GET4: variants seen among roughly 807,000 people sequenced by gnomAD.
The protein encoded by GET4 is Golgi to ER traffic protein 4 homolog.
In GET4, 20 loss-of-function variants were observed where a neutral mutation model predicts 40.0. The observed-to-expected ratio is 0.50, with a 90% CI of 0.35 to 0.73. GET4 has a LOEUF of 0.73. GET4 is among the 30% of genes least tolerant of loss of function. The probability of loss-of-function intolerance (pLI) is 0.01; values close to 1 mark genes in which losing one functional copy is unlikely to be tolerated. For missense variants in GET4, 557 were observed against 454.0 expected, an observed-to-expected ratio of 1.23 and a Z score of -2.06; for synonymous variants, 280 against 194.6, an observed-to-expected ratio of 1.44 and a Z score of -3.65.
chr7:878,660 C>T (rs778880302), intron 1 of GET4, among the ~76,000 whole-genome samples: 12 of 150,040 alleles, frequency 8.0e-5, no homozygotes, highest in African/African-American at 1.5e-4. Flanking sequence ...CTCACTGCAA[C>T]CTCCACCTCC....
intron 4 of GET4, among the ~76,000 whole-genome samples, chr7:888,989 C>A (rs1279873533): frequency 6.6e-6 from 1 of 152,266 alleles, no homozygotes; most frequent in Non-Finnish European, 1.5e-5. Context: ...GAGAGCCAGG[C>A]AGTGGGTGGC....
intron 1 of GET4, chr7:878,209 C>A (rs1844008025): frequency 2.1e-6 from 1 of 468,740 alleles, no homozygotes; most frequent in African/African-American, 2.0e-5. Flanking sequence ...GCACGCCCCT[C>A]GGGACTGTGA....
At chr7:889,059 G>A (rs961481516) in intron 4 of GET4, among the ~76,000 whole-genome samples, 4 of 152,256 alleles carry the variant, frequency 2.6e-5, no homozygotes, top group African/African-American at 9.6e-5. Flanking sequence ...CTCCTAAGAT[G>A]GGTACAAGCG....
rs574455427 is a variant in GET4, at chr7:896,187, A to C, written c.*765A>C. On this transcript the variant is annotated 3_prime_UTR_variant, in exon 9 of 9. Coordinates refer to ENST00000265857, the MANE Select transcript of GET4 (RefSeq NM_015949.3). ...GGGTGATGATTGATTCTTTCGACCT[A>C]ACATTTTGGGTTTTAACCAAATAAC... 6.6e-6 allele frequency: 1 copy of C among 152,332 alleles called. No individual in the cohort carries two copies. Among genetic ancestry groups the C allele is most frequent in the Non-Finnish European group, 1.5e-5 (1 of 68,028 alleles). 9.4% of individuals were successfully genotyped at this position (152,332 alleles called of 1,614,324 possible). A position where few individuals can be genotyped will look rare whatever the true frequency, so the allele number is the denominator to read the frequency against.
intron 8 of GET4, among the ~76,000 whole-genome samples, chr7:894,694 G>C (rs561868692): frequency 5.9e-5 from 9 of 152,346 alleles, no homozygotes; most frequent in East Asian, 1.9e-4. Context: ...CCGTCAGGGC[G>C]TGTCCTGAGA....
rs1843950425 is a variant in GET4 at position 876,726 on chromosome 7, G to A, written c.81G>A (p.Glu27=). The change falls in exon 1 of 9, where the codon GAG becomes GAA. Residue 27 remains glutamate, a synonymous_variant. Coordinates refer to ENST00000265857, the MANE Select transcript of GET4 (RefSeq NM_015949.3). ...GRNRGGVQRV[E]GKLRASVEKG... is the part of the protein sequence containing the mutation. Reference sequence around the variant, plus strand: ...ACCGCGGCGGCGTCCAGCGTGTGGAGGGCAAGCTGCGCGCCAGCGTCGAGA... The same window carrying A: ...ACCGCGGCGGCGTCCAGCGTGTGGAAGGCAAGCTGCGCGCCAGCGTCGAGA... The A allele has an allele frequency of 1.5e-6, 2 of 1,379,150 alleles. No homozygotes were observed. Among genetic ancestry groups the A allele is most frequent in the Non-Finnish European group, 1.9e-6 (2 of 1,050,968 alleles). 85.4% of individuals were successfully genotyped at this position (1,379,150 alleles called of 1,614,324 possible). A position where few individuals can be genotyped will look rare whatever the true frequency, so the allele number is the denominator to read the frequency against.
chr7:893,281 AGGTGAGTGTTGGGCGCG>A (rs1844377971), intron 6 of GET4, among the ~76,000 whole-genome samples: 1 of 106,836 alleles, frequency 9.4e-6, no homozygotes, highest in African/African-American at 3.8e-5. Flanking sequence ...TGGTGTGTGC[AGGTGAGTGTTGGGCGCG>A]GGCGCGGTGG....
intron 1 of GET4, chr7:883,647 A>C (rs1027373597): frequency 1.0e-6 from 1 of 985,446 alleles, no homozygotes; most frequent in Non-Finnish European, 1.2e-6. Flanking sequence ...TCCACATGGC[A>C]CGGCCAATAG....
intron 1 of GET4, among the ~76,000 whole-genome samples, chr7:877,076 C>T (rs1291057046): frequency 1.3e-5 from 2 of 151,930 alleles, no homozygotes; most frequent in South Asian, 2.1e-4. Context: ...CTACTCCCAG[C>T]CTCCACCTGT....
At chr7:893,022 G>A (rs76377899) in intron 6 of GET4, among the ~76,000 whole-genome samples, 1 of 149,326 alleles carries the variant, frequency 6.7e-6, no homozygotes, top group African/African-American at 2.5e-5. Flanking sequence ...GCAGGTGAGG[G>A]GTGTAGGCGT....
chr7:895,183 GGGGTTCCT>G, intron 8 of GET4, 143 bp from the exon 9 acceptor site: 1 of 471,792 alleles, frequency 2.1e-6, no homozygotes. Context: ...GTCCTGTCCC[GGGGTTCCT>G]GGGTCGTAGA....
chr7:879,282 G>A (rs1012617632), intron 1 of GET4, among the ~76,000 whole-genome samples: 1 of 152,242 alleles, frequency 6.6e-6, no homozygotes, highest in Non-Finnish European at 1.5e-5. Context: ...GCGAGTGGCC[G>A]GCACGCCGCG....
At chr7:895,229 T>A in intron 8 of GET4, 105 bp from the exon 9 acceptor site, 3 of 633,144 alleles carry the variant, frequency 4.7e-6, no homozygotes, top group Non-Finnish European at 8.7e-6. Context: ...TTTTGCTTGT[T>A]CCATGGGACA....
chr7:892,200 CAT>C (rs1844340374), intron 5 of GET4, 76 bp from the exon 6 acceptor site: 2 of 1,468,114 alleles, frequency 1.4e-6, no homozygotes, highest in African/African-American at 2.8e-5. Context: ...TTGGGAAGGA[CAT>C]GTCGGAGGCC....
chr7:892,830 G>A (rs1844359320), intron 6 of GET4, among the ~76,000 whole-genome samples: 1 of 151,360 alleles, frequency 6.6e-6, no homozygotes. Context: ...GTATGTGCAG[G>A]TGTTGCGTGT....
At chr7:877,954 C>A (rs1844000813) in intron 1 of GET4, 2 of 200,424 alleles carry the variant, frequency 1.0e-5, no homozygotes, top group Admixed American at 5.4e-5. Flanking sequence ...CGCATTCCCC[C>A]ACCTCCCTGC....
Position 893,831 on chromosome 7 carries a change from T to G in GET4, c.822+16T>G. The G allele has an allele frequency of 6.2e-7, 1 of 1,608,966 alleles. No individual in the cohort carries two copies. The highest frequency in any genetic ancestry group is 2.2e-5 in the East Asian group (1 of 44,854). On this transcript the variant is annotated intron_variant, in intron 7 of 8. Coordinates refer to ENST00000265857, the MANE Select transcript of GET4 (RefSeq NM_015949.3). ...GTACAACGAGGTGAGAGCTTGGGGC[T>G]GGGGAGGGAGGAGGGGACCCCACGG... is the stretch of plus-strand genomic sequence containing the variant.
In GET4 at chr7:884,180, G is replaced by A. The variant is rs371718730; in HGVS notation, c.156-1876G>A. The A allele has an allele frequency of 6.7e-5, 87 of 1,297,830 alleles. 1 individual carries two copies. In the African/African-American group the frequency reaches 1.1e-3, roughly 17 times the overall value. 80.4% of individuals were successfully genotyped at this position (1,297,830 alleles called of 1,614,324 possible). A position where few individuals can be genotyped will look rare whatever the true frequency, so the allele number is the denominator to read the frequency against. On this transcript the variant is annotated intron_variant, in intron 1 of 8. Transcript: ENST00000265857. The stretch of plus-strand genomic sequence containing the variant: ...TAGTATCGGCAAAGCAGAAGCTGGT[G>A]TGGTGCTTGCTCAGGGTCGGTGCAT...
Position 893,917 on chromosome 7 carries a change from C to G in GET4, c.841C>G (p.Gln281Glu), listed in dbSNP as rs146230708. 53 of 1,609,960 alleles carry G rather than the reference C, an allele frequency of 3.3e-5. No individual in the cohort carries two copies. The highest frequency in any genetic ancestry group is 3.6e-5 in the Non-Finnish European group (42 of 1,177,432). Residue 281 changes from glutamine (Q) to glutamate (E), a missense_variant, in exon 8 of 9, where the codon CAG (glutamine) becomes GAG (glutamate). Coordinates refer to ENST00000265857, the MANE Select transcript of GET4 (RefSeq NM_015949.3). Reference sequence around the variant, plus strand: ...CTTGCAGTACCTCGACCGCATAGGACAGCTGTTCTTCGGCGTCCCGCCCAA... The same window carrying G: ...CTTGCAGTACCTCGACCGCATAGGAGAGCTGTTCTTCGGCGTCCCGCCCAA... ...MYNEYLDRIG[Q>E]LFFGVPPKQT...
Sources: allele counts gnomAD v4.1 joint callset (sites outside exome capture counted in the v4.1 genomes callset), GRCh38; gene constraint gnomAD v4.1.1; transcripts MANE v1.5; gene names NCBI Gene and HGNC (gene_info 2026-07-23, HGNC 2026-07-21).